CHRM2: variants seen among roughly 807,000 people sequenced by gnomAD.
The protein encoded by CHRM2 is cholinergic receptor muscarinic 2, also known as muscarinic acetylcholine receptor M2.
Under a neutral mutation model 25.0 loss-of-function variants are expected in CHRM2, and 8 were observed. That is an observed-to-expected ratio of 0.32 (90% CI 0.19 to 0.58). The LOEUF is 0.58. CHRM2 is among the 20% of genes least tolerant of loss of function. The probability of loss-of-function intolerance (pLI) is 0.88; values close to 1 mark genes in which losing one functional copy is unlikely to be tolerated. For missense variants in CHRM2, 440 were observed against 567.1 expected, an observed-to-expected ratio of 0.78 and a Z score of 2.28; for synonymous variants, 202 against 205.7, an observed-to-expected ratio of 0.98 and a Z score of 0.15.
At chr7:136,977,117 G>T (rs1016400364) in intron 2 of CHRM2, among the ~76,000 whole-genome samples, 1 of 152,168 alleles carries the variant, frequency 6.6e-6, no homozygotes, top group African/African-American at 2.4e-5. Context: ...TCCAAGAGAA[G>T]CTCTCCACAT....
intron 2 of CHRM2, among the ~76,000 whole-genome samples, chr7:136,984,739 C>G (rs1295921135): frequency 6.6e-6 from 1 of 152,018 alleles, no homozygotes; most frequent in African/African-American, 2.4e-5. Context: ...TGAGGCAATG[C>G]CCCACCCTGC....
At chr7:136,952,292 A>G (rs2130859332) in intron 2 of CHRM2, among the ~76,000 whole-genome samples, 1 of 152,306 alleles carries the variant, frequency 6.6e-6, no homozygotes, top group East Asian at 1.9e-4. Context: ...TTCTGTTAAA[A>G]GCAGTATTTT....
rs1805158684 is a variant in CHRM2, at chr7:137,015,959, T to C, written c.1094T>C (p.Ile365Thr). ...AAGCAGAATATTGTAGCCCGCAAGA[T>C]TGTGAAGATGACTAAGCAGCCTGCA... ...DEKQNIVARK[I>T]VKMTKQPAKK... The change falls in exon 4 of 4, where the codon ATT becomes ACT. Residue 365 changes from isoleucine (I) to threonine (T), a missense_variant. Physicochemically the swap from Ile to Thr is moderately conservative, Grantham distance 89 (BLOSUM62 -1). Coordinates refer to ENST00000680005, the MANE Select transcript of CHRM2 (RefSeq NM_001006630.2). The surrounding 1 kb of genome is among the most constrained non-coding windows in gnomAD (Gnocchi z 5.1). 9 of 1,613,012 alleles carry C rather than the reference T, an allele frequency of 5.6e-6. No individual in the cohort carries two copies. Among genetic ancestry groups the C allele is most frequent in the African/African-American group, 1.3e-5 (1 of 74,804 alleles).
At chr7:136,878,607 A>G (rs1796138613) in intron 2 of CHRM2, among the ~76,000 whole-genome samples, 1 of 151,912 alleles carries the variant, frequency 6.6e-6, no homozygotes, top group Non-Finnish European at 1.5e-5. Flanking sequence ...AAACCACGAA[A>G]TGACAGCTGC....
chr7:136,904,598 A>G (rs1797430481), intron 2 of CHRM2, among the ~76,000 whole-genome samples: 1 of 151,354 alleles, frequency 6.6e-6, no homozygotes, highest in Admixed American at 6.6e-5. Context: ...CTTCTTTTTA[A>G]TTCTGTAGAG....
chr7:136,998,990 T>C (rs985016566), intron 3 of CHRM2, among the ~76,000 whole-genome samples: 1 of 152,178 alleles, frequency 6.6e-6, no homozygotes, highest in African/African-American at 2.4e-5. Context: ...AATTTTAAAA[T>C]TGTAGAAAAA....
chr7:136,905,025 G>A (rs914672632), intron 2 of CHRM2, among the ~76,000 whole-genome samples: 11 of 151,888 alleles, frequency 7.2e-5, no homozygotes, highest in Admixed American at 3.9e-4. Context: ...AAAATCAAAT[G>A]TTCAACACAA....
intron 2 of CHRM2, among the ~76,000 whole-genome samples, chr7:136,930,918 A>AAAAAAAAAAAAAAAAAAAC (rs1799057221): frequency 7.5e-6 from 1 of 134,044 alleles, no homozygotes; most frequent in African/African-American, 3.3e-5. Flanking sequence ...AAAAAAAAAA[A>AAAAAAAAAAAAAAAAAAAC]AAAAAAAAAG....
At chr7:136,873,125 G>A (rs1032420289) in intron 2 of CHRM2, among the ~76,000 whole-genome samples, 1 of 152,106 alleles carries the variant, frequency 6.6e-6, no homozygotes, top group African/African-American at 2.4e-5. Flanking sequence ...CCTATGTATC[G>A]AAAGCCACCA....
chr7:136,962,805 G>T (rs560235547), intron 2 of CHRM2, among the ~76,000 whole-genome samples: 3 of 152,236 alleles, frequency 2.0e-5, no homozygotes, highest in South Asian at 4.2e-4. Flanking sequence ...CTGAAAAACC[G>T]CCTCATTGTG....
chr7:136,909,946 A>G (rs1797751524), intron 2 of CHRM2, among the ~76,000 whole-genome samples: 1 of 151,824 alleles, frequency 6.6e-6, no homozygotes, highest in Non-Finnish European at 1.5e-5. Context: ...TTGGTTGGAT[A>G]CATTTTTCCT....
intron 3 of CHRM2, among the ~76,000 whole-genome samples, chr7:137,004,475 G>A (rs1804284137): frequency 6.6e-6 from 1 of 152,124 alleles, no homozygotes; most frequent in South Asian, 2.1e-4. Flanking sequence ...GTAAAGAGGA[G>A]TCAGGGTATT....
chr7:136,957,411 G>A (rs1417640884), intron 2 of CHRM2, among the ~76,000 whole-genome samples: 2 of 152,160 alleles, frequency 1.3e-5, no homozygotes, highest in African/African-American at 2.4e-5. Flanking sequence ...TGACTTATTG[G>A]TTTGAAGCTT....
intron 2 of CHRM2, chr7:136,907,963 T>C (rs1295399580): frequency 6.6e-6 from 1 of 151,924 alleles, no homozygotes; most frequent in Non-Finnish European, 1.5e-5. Context: ...TAAGGAATAA[T>C]GGCTTGACTT....
intron 2 of CHRM2, among the ~76,000 whole-genome samples, chr7:136,927,002 T>G (rs1254095768): frequency 6.6e-6 from 1 of 151,936 alleles, no homozygotes; most frequent in Non-Finnish European, 1.5e-5. Context: ...AGTCACCAAT[T>G]GCTTCATACC....
At chr7:136,937,161 A>G (rs76263371) in intron 2 of CHRM2, among the ~76,000 whole-genome samples, 1 of 152,170 alleles carries the variant, frequency 6.6e-6, no homozygotes, top group Non-Finnish European at 1.5e-5. Context: ...TGATTTACTC[A>G]GGGATCTACA....
intron 2 of CHRM2, among the ~76,000 whole-genome samples, chr7:136,948,593 A>T (rs1800207969): frequency 6.6e-6 from 1 of 152,196 alleles, no homozygotes; most frequent in African/African-American, 2.4e-5. Context: ...ATGTTGTGAA[A>T]GTGACTGGGT....
chr7:136,954,583 A>C (rs1490276461), intron 2 of CHRM2, among the ~76,000 whole-genome samples: 1 of 152,062 alleles, frequency 6.6e-6, no homozygotes, highest in Non-Finnish European at 1.5e-5. Flanking sequence ...CTTTCTGTTT[A>C]TTTCTCCCTC....
At chr7:136,922,487 A>G (rs1329717962) in intron 2 of CHRM2, among the ~76,000 whole-genome samples, 1 of 152,166 alleles carries the variant, frequency 6.6e-6, no homozygotes, top group Non-Finnish European at 1.5e-5. Context: ...ATAACATTCA[A>G]CATCCTCTGG....
Sources: gnomAD v4.1 joint callset for allele counts (sites outside exome capture counted in the v4.1 genomes callset) on GRCh38, gnomAD v4.1.1 for gene constraint, Gnocchi (gnomAD v3.1) non-coding constraint, MANE v1.5 for transcripts, NCBI Gene and HGNC (gene_info 2026-07-23, HGNC 2026-07-21) for gene names.